PARN: variants seen among roughly 807,000 people sequenced by gnomAD.
PARN encodes poly(A)-specific ribonuclease PARN.
In PARN, 71 loss-of-function variants were observed where a neutral mutation model predicts 102.8. The observed-to-expected ratio is 0.69, with a 90% confidence interval of 0.57 to 0.84. The LOEUF is 0.84. Ranked by LOEUF, PARN falls within the 40% of genes least tolerant of loss-of-function variation. The probability of loss-of-function intolerance (pLI) is 0.00; values close to 1 mark genes in which losing one functional copy is unlikely to be tolerated. For missense variants in PARN, 782 were observed against 760.9 expected, an observed-to-expected ratio of 1.03 and a Z score of -0.33; for synonymous variants, 261 against 252.9, an observed-to-expected ratio of 1.03 and a Z score of -0.30.
chr16:14,606,883 G>A (rs769205030), intron 9 of PARN, among the ~76,000 whole-genome samples: 3 of 151,030 alleles, frequency 2.0e-5, no homozygotes, highest in Non-Finnish European at 4.4e-5. Flanking sequence ...CCTGGTTCAC[G>A]CCATTCTCCT....
At chr16:14,451,869 CAAAA>C (rs869041563) in intron 22 of PARN, among the ~76,000 whole-genome samples, 227 of 52,496 alleles carry the variant, frequency 4.3e-3, no homozygotes, top group Non-Finnish European at 5.3e-3. Context: ...AAAAAAAATA[CAAAA>C]AAAAAAAAAA....
chr16:14,470,389 GAAAT>G (rs1430485434), intron 22 of PARN, among the ~76,000 whole-genome samples: 1 of 151,204 alleles, frequency 6.6e-6, no homozygotes, highest in Admixed American at 6.6e-5. Flanking sequence ...AAACTTTAAT[GAAAT>G]AATTACAAAT....
chr16:14,628,285 T>C, intron 2 of PARN, 34 bp from the exon 3 acceptor site: 2 of 1,155,260 alleles, frequency 1.7e-6, no homozygotes, highest in East Asian at 2.3e-5. Flanking sequence ...TTTAGCTTAC[T>C]AATAAATACT....
At chr16:14,499,053 C>A (rs1295979053) in intron 21 of PARN, among the ~76,000 whole-genome samples, 1 of 152,256 alleles carries the variant, frequency 6.6e-6, no homozygotes, top group Non-Finnish European at 1.5e-5. Flanking sequence ...TGATTCTACA[C>A]TTGTATTGTT....
intron 21 of PARN, among the ~76,000 whole-genome samples, chr16:14,516,642 A>G (rs951815488): frequency 1.3e-5 from 2 of 152,232 alleles, no homozygotes; most frequent in African/African-American, 4.8e-5. Flanking sequence ...AGCTGAGCCT[A>G]CTTTCAAGTA....
chr16:14,584,607 A>C (rs1056019357), intron 15 of PARN, 142 bp downstream of exon 15: 1 of 755,120 alleles, frequency 1.3e-6, no homozygotes, highest in Non-Finnish European at 2.2e-6. Context: ...TTTTTATAAT[A>C]TACAAAGTAT....
chr16:14,585,920 G>T (rs1969823825), intron 14 of PARN, among the ~76,000 whole-genome samples: 1 of 150,814 alleles, frequency 6.6e-6, no homozygotes, highest in Admixed American at 6.6e-5. Flanking sequence ...ATATGAACAT[G>T]ATCTAATGGT....
At chr16:14,439,754 G>A (rs924867381) in intron 23 of PARN, among the ~76,000 whole-genome samples, 1 of 152,188 alleles carries the variant, frequency 6.6e-6, no homozygotes, top group African/African-American at 2.4e-5. Context: ...GGTGGCTCAC[G>A]CCTGTAATCC....
chr16:14,508,777 G>T (rs963420689), intron 21 of PARN, among the ~76,000 whole-genome samples: 3 of 151,250 alleles, frequency 2.0e-5, no homozygotes, highest in Admixed American at 6.6e-5. Flanking sequence ...TATTCTCAGG[G>T]GGCGGGGCAT....
In PARN at chr16:14,584,367, G is replaced by A; in HGVS notation, c.1061C>T (p.Pro354Leu). ...CTTACCAACTTTAGGAGGGTTGAAA[G>A]GTGTCTCTTTTAACCGCTTTTCCAA... is the stretch of plus-strand genomic sequence containing the variant. ...AELEKRLKET[P>L]FNPPKVESAE... Residue 354 changes from proline (P) to leucine (L), a missense_variant, in exon 16 of 24, where the codon CCT becomes CTT. Transcript: ENST00000437198. 1 of 1,611,998 alleles carries A rather than the reference G, an allele frequency of 6.2e-7. No homozygotes were observed. Among genetic ancestry groups the A allele is most frequent in the Non-Finnish European group, 8.5e-7 (1 of 1,178,256 alleles).
chr16:14,581,780 G>A, intron 17 of PARN, among the ~76,000 whole-genome samples: 1 of 152,130 alleles, frequency 6.6e-6, no homozygotes, highest in East Asian at 1.9e-4. Context: ...AGTTAGCCAG[G>A]CACAGTGATG....
intron 21 of PARN, among the ~76,000 whole-genome samples, chr16:14,489,116 G>T (rs1963907309): frequency 6.6e-6 from 1 of 152,132 alleles, no homozygotes; most frequent in South Asian, 2.1e-4. Context: ...GCGGGGGTGT[G>T]TATGAGAGGG....
chr16:14,571,509 G>A (rs1156928391), intron 18 of PARN, among the ~76,000 whole-genome samples: 1 of 152,074 alleles, frequency 6.6e-6, no homozygotes, highest in Non-Finnish European at 1.5e-5. Flanking sequence ...TTTGCGGGAG[G>A]TCTCCTCTGC....
Position 14,582,296 on chromosome 16 carries a change from G to GA in PARN, c.1082-6dup, listed in dbSNP as rs763461320. 3.5e-5 allele frequency: 55 copies of GA among 1,585,648 alleles called. No individual in the cohort carries two copies. Among genetic ancestry groups the GA allele is most frequent in the Non-Finnish European group, 4.2e-5 (49 of 1,157,420 alleles). ...TTGGAAAACCTTCGGCACTTTCTAA[G>GA]AAAAAAAAGGAAAAAGTTTTCCTCA... On this transcript the variant is annotated splice_region_variant and splice_polypyrimidine_tract_variant and intron_variant, in intron 16 of 23. Coordinates refer to ENST00000437198, the MANE Select transcript of PARN (RefSeq NM_002582.4).
At chr16:14,490,600 T>C (rs180674935) in intron 21 of PARN, among the ~76,000 whole-genome samples, 323 of 152,272 alleles carry the variant, frequency 2.1e-3, no homozygotes, top group African/African-American at 7.3e-3. Context: ...AGTGTGTGCC[T>C]TAATGTCAAA....
intron 21 of PARN, among the ~76,000 whole-genome samples, chr16:14,517,097 G>A (rs957449083): frequency 1.1e-4 from 16 of 152,086 alleles, no homozygotes; most frequent in Non-Finnish European, 4.4e-5. Flanking sequence ...ACTGTATAAC[G>A]TTATTTGTGG....
rs988815435 is a variant in PARN at position 14,630,178 on chromosome 16, G to C, written c.-53C>G. ...CACCCGGGCCCGCGCCCGCCTCAGCGGTTCTACTCGCCGAATTCCGCGGCG... is the reference window on the plus strand; with the variant it reads ...CACCCGGGCCCGCGCCCGCCTCAGCCGTTCTACTCGCCGAATTCCGCGGCG... On this transcript the variant is annotated 5_prime_UTR_variant, in exon 1 of 24. Coordinates refer to ENST00000437198, the MANE Select transcript of PARN (RefSeq NM_002582.4). 1 of 1,504,234 alleles carries C rather than the reference G, an allele frequency of 6.6e-7. No individual in the cohort carries two copies. The highest frequency in any genetic ancestry group is 9.0e-7 in the Non-Finnish European group (1 of 1,109,188). The allele number at this position is 1,504,234 out of a possible 1,614,324, so 93.2% of individuals were successfully genotyped here.
intron 20 of PARN, 79 bp from the exon 21 acceptor site, chr16:14,552,174 T>C: frequency 1.2e-6 from 1 of 847,984 alleles, no homozygotes; most frequent in Non-Finnish European, 2.0e-6. Flanking sequence ...ATCTTACATA[T>C]TTCAGTATAG....
At chr16:14,520,354 G>C (rs369015141) in intron 21 of PARN, among the ~76,000 whole-genome samples, 4 of 152,206 alleles carry the variant, frequency 2.6e-5, no homozygotes, top group African/African-American at 9.6e-5. Flanking sequence ...AATTTTAACA[G>C]TCTATCAATA....
Sources: allele counts gnomAD v4.1 joint callset (sites outside exome capture counted in the v4.1 genomes callset), GRCh38; gene constraint gnomAD v4.1.1; transcripts MANE v1.5; gene names NCBI Gene and HGNC (gene_info 2026-07-23, HGNC 2026-07-21).